ARHGAP12: variants seen among roughly 807,000 people sequenced by gnomAD.
ARHGAP12 encodes Rho GTPase activating protein 12.
In ARHGAP12, 64 loss-of-function variants were observed where a neutral mutation model predicts 108.6. That is an observed-to-expected ratio of 0.59 (90% CI 0.48 to 0.73). ARHGAP12 has a LOEUF of 0.73. ARHGAP12 is among the 30% of genes least tolerant of loss of function. The probability of loss-of-function intolerance (pLI) is 0.00; values close to 1 mark genes in which losing one functional copy is unlikely to be tolerated. For synonymous variants in ARHGAP12, 312 were observed against 337.2 expected, an observed-to-expected ratio of 0.93 and a Z score of 0.82; for missense variants, 940 against 1,005.9, an observed-to-expected ratio of 0.93 and a Z score of 0.89.
chr10:31,864,936 C>T (rs964888305), intron 3 of ARHGAP12, among the ~76,000 whole-genome samples: 1 of 151,952 alleles, frequency 6.6e-6, no homozygotes, highest in African/African-American at 2.4e-5. Context: ...AGGAAGAGAC[C>T]CGGAAACAAG....
chr10:31,878,534 CATTT>C (rs1837819281), intron 3 of ARHGAP12, among the ~76,000 whole-genome samples: 1 of 152,190 alleles, frequency 6.6e-6, no homozygotes, highest in Non-Finnish European at 1.5e-5. Context: ...TTGTATTTTA[CATTT>C]ATTAAAATGA....
intron 3 of ARHGAP12, among the ~76,000 whole-genome samples, chr10:31,885,637 G>A (rs1838160773): frequency 6.6e-6 from 1 of 151,952 alleles, no homozygotes; most frequent in Non-Finnish European, 1.5e-5. Context: ...TGGCCAACAT[G>A]GCAAAATCCC....
At chr10:31,919,605 C>T (rs1018012970) in intron 1 of ARHGAP12, among the ~76,000 whole-genome samples, 4 of 149,858 alleles carry the variant, frequency 2.7e-5, no homozygotes, top group Middle Eastern at 3.5e-3. Flanking sequence ...ATCCTGGCTC[C>T]CACGGTGAAA....
intron 3 of ARHGAP12, among the ~76,000 whole-genome samples, chr10:31,907,060 A>T (rs1839160815): frequency 6.6e-6 from 1 of 152,158 alleles, no homozygotes; most frequent in Non-Finnish European, 1.5e-5. Context: ...TTTCCATTCC[A>T]AAATGTCACA....
At position 31,807,826 on chromosome 10, in the gene ARHGAP12, T is replaced by A. The variant is rs746013702; in HGVS notation, c.2373A>T (p.Ile791=). The A allele has an allele frequency of 6.5e-7, 1 of 1,527,492 alleles. No homozygotes were observed. The highest frequency in any genetic ancestry group is 8.8e-7 in the Non-Finnish European group (1 of 1,138,808). 94.6% of individuals were successfully genotyped at this position (1,527,492 alleles called of 1,614,324 possible). A position where few individuals can be genotyped will look rare whatever the true frequency, so the allele number is the denominator to read the frequency against. ...TCATTCGATTTTTCTCTCCATTTTCTATAACTCTGAAGGGAAAAAAAGAAG... is the reference window on the plus strand; with the variant it reads ...TCATTCGATTTTTCTCTCCATTTTCAATAACTCTGAAGGGAAAAAAAGAAG... ...QILFRHLRRV[I]ENGEKNRMTY... Residue 791 remains isoleucine (I), a synonymous_variant, in exon 20 of 20, where the codon ATA becomes ATT. Coordinates refer to ENST00000344936, the MANE Select transcript of ARHGAP12 (RefSeq NM_018287.7).
intron 3 of ARHGAP12, among the ~76,000 whole-genome samples, chr10:31,896,925 GATCT>G (rs1382107548): frequency 6.6e-6 from 1 of 152,058 alleles, no homozygotes; most frequent in Non-Finnish European, 1.5e-5. Flanking sequence ...GAGTCACACA[GATCT>G]ATTTCCCTGG....
intron 10 of ARHGAP12, among the ~76,000 whole-genome samples, chr10:31,829,154 A>AAAC (rs35308949): frequency 0.26 from 38,878 of 151,344 alleles, 5,186 homozygotes; most frequent in East Asian, 0.39. Context: ...TCTGTCTCAA[A>AAAC]AACAACAACA....
At chr10:31,812,541 T>C (rs895477634) in intron 15 of ARHGAP12, 166 bp downstream of exon 15, 4 of 461,200 alleles carry the variant, frequency 8.7e-6, no homozygotes, top group Non-Finnish European at 7.5e-6. Context: ...AAATAAACTT[T>C]CAAAAAAACT....
intron 12 of ARHGAP12, among the ~76,000 whole-genome samples, chr10:31,818,657 T>C (rs1289023569): frequency 1.3e-5 from 2 of 152,122 alleles, no homozygotes; most frequent in East Asian, 1.9e-4. Context: ...TCCTCAAACA[T>C]AGTTTCACAA....
At chr10:31,914,101 CA>C (rs1418213173) in intron 1 of ARHGAP12, among the ~76,000 whole-genome samples, 2 of 152,062 alleles carry the variant, frequency 1.3e-5, no homozygotes, top group African/African-American at 4.8e-5. Flanking sequence ...TCTGTAATTG[CA>C]AAAACAAAAG....
At chr10:31,854,985 AAGGAGGAGGAGG>A (rs542231961) in intron 4 of ARHGAP12, among the ~76,000 whole-genome samples, 2 of 134,574 alleles carry the variant, frequency 1.5e-5, no homozygotes, top group Middle Eastern at 3.6e-3. Flanking sequence ...AAAGAAGAAC[AAGGAGGAGGAGG>A]AGGAGGAGGA....
At chr10:31,921,933 T>C (rs1202961374) in intron 1 of ARHGAP12, among the ~76,000 whole-genome samples, 1 of 151,832 alleles carries the variant, frequency 6.6e-6, no homozygotes, top group South Asian at 2.1e-4. Flanking sequence ...CTCACACCTA[T>C]AATCCCAGCA....
At chr10:31,921,550 G>T (rs35844379) in intron 1 of ARHGAP12, among the ~76,000 whole-genome samples, 1,566 of 151,928 alleles carry the variant, frequency 0.01, 19 homozygotes, top group Admixed American at 0.021. Flanking sequence ...CGGATAATGA[G>T]GTCAGGAGTT....
chr10:31,914,676 T>C (rs950390239), intron 1 of ARHGAP12, among the ~76,000 whole-genome samples: 3 of 152,184 alleles, frequency 2.0e-5, no homozygotes, highest in African/African-American at 7.2e-5. Context: ...GGGGAACCTT[T>C]ATATACTGTT....
intron 3 of ARHGAP12, among the ~76,000 whole-genome samples, chr10:31,892,373 G>C (rs759658204): frequency 6.6e-6 from 1 of 152,068 alleles, no homozygotes; most frequent in Admixed American, 6.6e-5. Context: ...CCCAACTCAC[G>C]TGCAGAGACA....
At chr10:31,917,413 A>G (rs1404957455) in intron 1 of ARHGAP12, among the ~76,000 whole-genome samples, 1 of 152,162 alleles carries the variant, frequency 6.6e-6, no homozygotes, top group Non-Finnish European at 1.5e-5. Context: ...TCAAAAAAAT[A>G]AAAAAGAAAA....
At chr10:31,901,089 A>T (rs1051607257) in intron 3 of ARHGAP12, among the ~76,000 whole-genome samples, 1 of 151,570 alleles carries the variant, frequency 6.6e-6, no homozygotes, top group Non-Finnish European at 1.5e-5. Flanking sequence ...ACGGTGGTGC[A>T]CCTGTAATCC....
chr10:31,813,513 T>C (rs1835092636), intron 14 of ARHGAP12, among the ~76,000 whole-genome samples: 1 of 152,144 alleles, frequency 6.6e-6, no homozygotes, highest in Non-Finnish European at 1.5e-5. Flanking sequence ...TAAAAAATAA[T>C]CACTTTTTAT....
intron 10 of ARHGAP12, chr10:31,826,746 T>G: frequency 5.9e-6 from 1 of 169,576 alleles, no homozygotes; most frequent in Non-Finnish European, 1.3e-5. Flanking sequence ...AATTCTTACT[T>G]AGAAGTAAAA....
Sources: gnomAD v4.1 joint callset for allele counts (sites outside exome capture counted in the v4.1 genomes callset) on GRCh38, gnomAD v4.1.1 for gene constraint, MANE v1.5 for transcripts, NCBI Gene and HGNC (gene_info 2026-07-23, HGNC 2026-07-21) for gene names.